STAT5A: variants seen among roughly 807,000 people sequenced by gnomAD.
The protein encoded by STAT5A is epididymis secretory sperm binding protein.
In STAT5A, 26 loss-of-function variants were observed where a neutral mutation model predicts 100.2. That is an observed-to-expected ratio of 0.26 (90% CI 0.19 to 0.36). STAT5A has a LOEUF of 0.36. Among genes scored for constraint, STAT5A ranks in the 10% least tolerant of loss-of-function variants. STAT5A has a pLI of 1.00. For synonymous variants in STAT5A, 330 were observed against 424.3 expected (o/e 0.78, Z 2.73); for missense variants, 634 against 1,027.5 (o/e 0.62, Z 5.24).
Position 42,310,542 on chromosome 17 carries a change from A to G in STAT5A, c.2258A>G (p.Asp753Gly). Residue 753 changes from aspartate (D) to glycine (G), a missense_variant, in exon 19 of 19, where the codon GAC (aspartate) becomes GGC (glycine). Physicochemically the swap from Asp to Gly is moderately conservative, Grantham distance 94. Around this residue, in one of 5 missense-constraint regions of STAT5A, gnomAD observed 88 missense variants for 95.1 expected, o/e 0.92. Transcript: ENST00000590949. Reference protein sequence around the residue: ...DHVLDQDGEFDLDETMDVARH... With the variant: ...DHVLDQDGEFGLDETMDVARH... ...GTACTCGATCAGGATGGAGAATTCG[A>G]CCTGGATGAGACCATGGATGTGGCC... The G allele has an allele frequency of 6.2e-7, 1 of 1,614,104 alleles. No individual in the cohort carries two copies. The highest frequency in any genetic ancestry group is 8.5e-7 in the Non-Finnish European group (1 of 1,180,022).
intron 5 of STAT5A, among the ~76,000 whole-genome samples, chr17:42,298,441 G>A (rs537794692): frequency 1.3e-5 from 2 of 150,308 alleles, no homozygotes; most frequent in Non-Finnish European, 3.0e-5. Flanking sequence ...GATTACAGGC[G>A]TAAGCCACCG....
At chr17:42,302,732 G>A (rs572808616) in intron 9 of STAT5A, among the ~76,000 whole-genome samples, 3 of 152,202 alleles carry the variant, frequency 2.0e-5, no homozygotes, top group East Asian at 3.9e-4. Flanking sequence ...CCAGGAGTTC[G>A]AGACCAGCCT....
Position 42,310,646 on chromosome 17 carries a change from T to C in STAT5A, c.2362T>C (p.Ser788Pro). ...RLSPPAGLFT[S>P]ARGSLS Reference sequence around the variant, plus strand: ...CTCGCCCCCTGCCGGTCTTTTCACCTCTGCCAGAGGCTCCCTCTCATGAAT... The same window carrying C: ...CTCGCCCCCTGCCGGTCTTTTCACCCCTGCCAGAGGCTCCCTCTCATGAAT... Residue 788 changes from serine to proline, a missense_variant, in exon 19 of 19, where the codon TCT becomes CCT. Ser to Pro is a moderately conservative substitution (Grantham distance 74). This residue lies in a region of STAT5A where 88 missense variants were observed against 95.1 expected (regional missense o/e 0.92). Coordinates refer to ENST00000590949, the MANE Select transcript of STAT5A (RefSeq NM_001288718.2). 1 of 1,614,206 alleles carries C rather than the reference T, an allele frequency of 6.2e-7. No individual in the cohort carries two copies. Among genetic ancestry groups the C allele is most frequent in the African/African-American group, 1.3e-5 (1 of 75,068 alleles).
At chr17:42,309,739 G>A (rs115894310) in intron 18 of STAT5A, 482 of 416,942 alleles carry the variant, frequency 1.2e-3, no homozygotes, top group African/African-American at 8.5e-3. Flanking sequence ...TGTGTAAAAC[G>A]GAGGCAAGAA....
At chr17:42,294,739 C>T (rs994083684) in intron 4 of STAT5A, among the ~76,000 whole-genome samples, 4 of 152,170 alleles carry the variant, frequency 2.6e-5, no homozygotes, top group East Asian at 1.9e-4. Flanking sequence ...ACATTCCCAG[C>T]GAGCTGGGGT....
intron 5 of STAT5A, among the ~76,000 whole-genome samples, chr17:42,298,641 T>A (rs2144523745): frequency 6.6e-6 from 1 of 152,000 alleles, no homozygotes; most frequent in African/African-American, 2.4e-5. Flanking sequence ...CCGGCTAATT[T>A]TTTGTGTTTT....
At position 42,300,903 on chromosome 17, in the gene STAT5A, T is replaced by C. The variant is rs372824652; in HGVS notation, c.989+33T>C. On this transcript the variant is annotated intron_variant, in intron 8 of 18. Transcript: ENST00000590949. ...CTGCCTGTTTGCCATGCCCAGGAGC[T>C]TGGGGCAGCTCCTGCCTGCGTGGGG... 6.8e-5 allele frequency: 110 copies of C among 1,610,146 alleles called. No homozygotes were observed. In the African/African-American group the frequency reaches 1.4e-3, roughly 21 times the overall value.
chr17:42,304,116 A>G lies in STAT5A; in HGVS notation c.1170-226A>G. The G allele has an allele frequency of 1.8e-6, 1 of 545,884 alleles. No individual in the cohort carries two copies. Among genetic ancestry groups the G allele is most frequent in the Non-Finnish European group, 3.3e-6 (1 of 304,546 alleles). 33.8% of individuals were successfully genotyped at this position (545,884 alleles called of 1,614,324 possible). A position where few individuals can be genotyped will look rare whatever the true frequency, so the allele number is the denominator to read the frequency against. The stretch of plus-strand genomic sequence containing the variant: ...CAATCTTGGTATCGAGGAATTTCTA[A>G]TGATAGATCCAGACCTCACCACTGG... On this transcript the variant is annotated intron_variant, in intron 9 of 18. Coordinates refer to ENST00000590949, the MANE Select transcript of STAT5A (RefSeq NM_001288718.2). The surrounding 1 kb of genome is among the most constrained non-coding windows in gnomAD (Gnocchi z 4.8).
intron 5 of STAT5A, among the ~76,000 whole-genome samples, chr17:42,296,058 A>G (rs2080915428): frequency 6.6e-6 from 1 of 152,236 alleles, no homozygotes; most frequent in Non-Finnish European, 1.5e-5. Flanking sequence ...TTCAAAGAGA[A>G]CAAGTAACTT....
chr17:42,305,518 T>TAA, intron 11 of STAT5A, 92 bp from the exon 12 acceptor site: 3 of 1,028,618 alleles, frequency 2.9e-6, no homozygotes, highest in South Asian at 1.5e-5. Flanking sequence ...AAAAAATACA[T>TAA]AAAAAAAAAT....
At position 42,301,343 on chromosome 17, in the gene STAT5A, G is replaced by A. The variant is rs372745237; in HGVS notation, c.1058G>A (p.Arg353His). 9.3e-6 allele frequency: 15 copies of A among 1,614,026 alleles called. No individual in the cohort carries two copies. The African/African-American group carries it at 1.1e-4, about 11-fold the overall frequency. ...CAGACCAAGTTTGCAGCCACCGTAC[G>A]CCTGCTGGTGGGCGGGAAGCTGAAC... is the stretch of plus-strand genomic sequence containing the variant. ...KTQTKFAATVRLLVGGKLNVH... is the reference protein window; with the variant it reads ...KTQTKFAATVHLLVGGKLNVH... The change falls in exon 9 of 19, where the codon CGC (arginine) becomes CAC (histidine). Residue 353 changes from arginine (R) to histidine (H), a missense_variant. By Grantham distance (29) the Arg-to-His change is conservative (BLOSUM62 0). Around this residue, in one of 5 missense-constraint regions of STAT5A, gnomAD observed 98 missense variants for 149.7 expected, o/e 0.65. Transcript: ENST00000590949.
chr17:42,308,059 C>A lies in STAT5A; in HGVS notation c.1907-119C>A. The A allele has an allele frequency of 1.5e-6, 2 of 1,367,784 alleles. No homozygotes were observed. Among genetic ancestry groups the A allele is most frequent in the Non-Finnish European group, 2.0e-6 (2 of 1,004,782 alleles). 84.7% of individuals were successfully genotyped at this position (1,367,784 alleles called of 1,614,324 possible). Reference sequence around the variant, plus strand: ...CGGCTTTCTTCCCTACAGGCTGGGGCTGCAGCGCAAGCTACTATATAAAAG... The same window carrying A: ...CGGCTTTCTTCCCTACAGGCTGGGGATGCAGCGCAAGCTACTATATAAAAG... On this transcript the variant is annotated intron_variant, in intron 15 of 18. Transcript: ENST00000590949. This position sits in a 1 kb window ranked among gnomAD's most constrained non-coding sequence, Gnocchi z 4.6.
intron 3 of STAT5A, among the ~76,000 whole-genome samples, chr17:42,290,836 G>A (rs138347636): frequency 2.3e-3 from 357 of 152,334 alleles, no homozygotes; most frequent in African/African-American, 8.3e-3. Flanking sequence ...TTATGTCCTA[G>A]AGTTTCCATG....
intron 5 of STAT5A, among the ~76,000 whole-genome samples, chr17:42,298,494 CAG>C (rs1217062138): frequency 1.5e-5 from 2 of 136,048 alleles, no homozygotes; most frequent in East Asian, 4.3e-4. Context: ...TTTTTTTAGA[CAG>C]AGTCTAGCTC....
At position 42,304,297 on chromosome 17, in the gene STAT5A, TGGCCTGG is replaced by T. The variant is rs1335654306; in HGVS notation, c.1170-40_1170-34del. 1 of 1,598,074 alleles carries T rather than the reference TGGCCTGG, an allele frequency of 6.3e-7. No homozygotes were observed. Among genetic ancestry groups the T allele is most frequent in the African/African-American group, 1.3e-5 (1 of 74,594 alleles). ...CGAGGTGTGGACAGGACCATGCTCC[TGGCCTGG>T]GGCCCATGTGGAGCTGGGACCCCCC... is the stretch of plus-strand genomic sequence containing the variant. On this transcript the variant is annotated intron_variant, in intron 9 of 18. Transcript: ENST00000590949. The surrounding 1 kb of genome is among the most constrained non-coding windows in gnomAD (Gnocchi z 4.8).
At chr17:42,291,487 CG>C (rs1345682598) in intron 3 of STAT5A, among the ~76,000 whole-genome samples, 3 of 152,018 alleles carry the variant, frequency 2.0e-5, no homozygotes, top group African/African-American at 7.2e-5. Context: ...GAGGCCGAGG[CG>C]GGTGGATCAC....
chr17:42,289,924 G>T lies in STAT5A; in HGVS notation c.187G>T (p.Gly63Cys). The change falls in exon 3 of 19, where the codon GGC becomes TGC. Residue 63 changes from glycine (G) to cysteine (C), a missense_variant. This residue lies in a region of STAT5A where 207 missense variants were observed against 256.6 expected (regional missense o/e 0.81). Coordinates refer to ENST00000590949, the MANE Select transcript of STAT5A (RefSeq NM_001288718.2). ...AGCCCAAGCCACCCAGCTCCTGGAGGGCCTGGTGCAGGAGCTGCAGAAGAA... is the reference window on the plus strand; with the variant it reads ...AGCCCAAGCCACCCAGCTCCTGGAGTGCCTGGTGCAGGAGCTGCAGAAGAA... ...DRAQATQLLE[G>C]LVQELQKKAE... is the part of the protein sequence containing the mutation. 4.4e-6 allele frequency: 7 copies of T among 1,602,372 alleles called. No homozygotes were observed. The highest frequency in any genetic ancestry group is 6.0e-6 in the Non-Finnish European group (7 of 1,174,486).
rs1347805315 is a variant in STAT5A at position 42,306,221 on chromosome 17, CT to C, written c.1474-19del. ...CAACTCCCTCAATCTACCTTTTCCC[CT>C]CTCTTGTCTCCCTCTCAGGGCAGGG... On this transcript the variant is annotated intron_variant, in intron 12 of 18. Transcript: ENST00000590949. 2 of 1,614,016 alleles carry C rather than the reference CT, an allele frequency of 1.2e-6. No homozygotes were observed. Among genetic ancestry groups the C allele is most frequent in the Admixed American group, 3.3e-5 (2 of 60,018 alleles).
In STAT5A at chr17:42,289,550, C is replaced by A; in HGVS notation, c.128+11C>A. 9 of 1,610,660 alleles carry A rather than the reference C, an allele frequency of 5.6e-6. No homozygotes were observed. Among genetic ancestry groups the A allele is most frequent in the Non-Finnish European group, 6.8e-6 (8 of 1,178,546 alleles). On this transcript the variant is annotated intron_variant, in intron 2 of 18. Coordinates refer to ENST00000590949, the MANE Select transcript of STAT5A (RefSeq NM_001288718.2). Reference sequence around the variant, plus strand: ...TGAGAGCCAGCCATGGTAGGCACGTCCCGCCCTGCCCCTCCTCAGAGGGTC... The same window carrying A: ...TGAGAGCCAGCCATGGTAGGCACGTACCGCCCTGCCCCTCCTCAGAGGGTC...
Sources: allele counts gnomAD v4.1 joint callset (sites outside exome capture counted in the v4.1 genomes callset), GRCh38; gene constraint gnomAD v4.1.1; regional missense constraint gnomAD v4.1.1; non-coding constraint Gnocchi (gnomAD v3.1); transcripts MANE v1.5; gene names NCBI Gene and HGNC (gene_info 2026-07-23, HGNC 2026-07-21).